Variants in CPNE8 observed in about 807,000 individuals in gnomAD.
CPNE8 encodes copine 8.
A neutral mutation model predicts 81.5 loss-of-function variants in CPNE8; 45 were observed. The observed-to-expected ratio is 0.55, with a 90% CI of 0.44 to 0.71. CPNE8 has a LOEUF of 0.71. Among genes scored for constraint, CPNE8 ranks in the 30% least tolerant of loss-of-function variants. CPNE8 has a pLI of 0.00. For synonymous variants in CPNE8, 252 were observed against 226.3 expected, an observed-to-expected ratio of 1.11 and a Z score of -1.02; for missense variants, 594 against 672.1, an observed-to-expected ratio of 0.88 and a Z score of 1.28.
intron 10 of CPNE8, among the ~76,000 whole-genome samples, chr12:38,760,437 A>G (rs866315649): frequency 7.5e-6 from 1 of 132,800 alleles, no homozygotes; most frequent in African/African-American, 3.1e-5. Context: ...TATGGTGTGT[A>G]TATATATATA....
chr12:38,762,728 T>C (rs187385978), intron 8 of CPNE8, among the ~76,000 whole-genome samples: 6 of 152,230 alleles, frequency 3.9e-5, no homozygotes, highest in Admixed American at 3.9e-4. Flanking sequence ...TTTTTGGTGT[T>C]CTTGTTTTTA....
intron 2 of CPNE8, among the ~76,000 whole-genome samples, chr12:38,873,696 T>C (rs751201138): frequency 6.6e-6 from 1 of 152,198 alleles, no homozygotes; most frequent in Non-Finnish European, 1.5e-5. Context: ...CTTCCCTCTG[T>C]AATTCAACCA....
At chr12:38,807,751 C>T (rs10747598) in intron 6 of CPNE8, among the ~76,000 whole-genome samples, 143,644 of 150,434 alleles carry the variant, frequency 0.95, 68,786 homozygotes, top group East Asian at 1. Flanking sequence ...AATTGACAAA[C>T]GGGATCTAAT....
In CPNE8 at chr12:38,905,471, G is replaced by T; in HGVS notation, c.64C>A (p.Pro22Thr). ...ACGGACACCTCCACCCGCGTGGCCG[G>T]GATGGCAGCGCTCAGCTGGTTCAAG... ...GDLNQLSAAIPATRVEVSVSC... is the reference protein window; with the variant it reads ...GDLNQLSAAITATRVEVSVSC... The change falls in exon 1 of 20, where the codon CCG becomes ACG. Residue 22 changes from proline to threonine, a missense_variant. Pro to Thr is a conservative substitution (Grantham distance 38). Coordinates refer to ENST00000331366, the MANE Select transcript of CPNE8 (RefSeq NM_153634.3). 1 of 1,574,688 alleles carries T rather than the reference G, an allele frequency of 6.4e-7. No individual in the cohort carries two copies. Among genetic ancestry groups the T allele is most frequent in the Non-Finnish European group, 8.6e-7 (1 of 1,160,090 alleles).
chr12:38,812,469 G>GA (rs1378874592), intron 6 of CPNE8, among the ~76,000 whole-genome samples: 2 of 151,952 alleles, frequency 1.3e-5, no homozygotes, highest in African/African-American at 4.8e-5. Context: ...AAGTGCCAAG[G>GA]AAAAAAAGGA....
At chr12:38,900,274 C>T (rs10444553) in intron 1 of CPNE8, among the ~76,000 whole-genome samples, 1 of 151,854 alleles carries the variant, frequency 6.6e-6, no homozygotes, top group Non-Finnish European at 1.5e-5. Flanking sequence ...ACCAGCACAG[C>T]TTGAACTTGT....
intron 14 of CPNE8, among the ~76,000 whole-genome samples, chr12:38,700,689 T>G (rs1002259014): frequency 1.3e-5 from 2 of 152,144 alleles, no homozygotes; most frequent in African/African-American, 4.8e-5. Flanking sequence ...CCACCCAAAT[T>G]TCATCTTGAA....
intron 19 of CPNE8, among the ~76,000 whole-genome samples, chr12:38,655,478 T>C (rs759500091): frequency 7.2e-5 from 11 of 152,326 alleles, no homozygotes; most frequent in Non-Finnish European, 1.6e-4. Context: ...GACATTTTAA[T>C]ATGTTGAACA....
chr12:38,848,429 C>A, intron 4 of CPNE8, 130 bp downstream of exon 4: 2 of 1,370,794 alleles, frequency 1.5e-6, no homozygotes, highest in Non-Finnish European at 1.9e-6. Flanking sequence ...GGGCCACACT[C>A]TGAACAGAAT....
At chr12:38,792,073 T>C (rs1942338483) in intron 6 of CPNE8, among the ~76,000 whole-genome samples, 1 of 149,398 alleles carries the variant, frequency 6.7e-6, no homozygotes, top group African/African-American at 2.4e-5. Context: ...AAACTTATGA[T>C]ATAGTGAAAG....
At chr12:38,819,746 G>T in intron 6 of CPNE8, among the ~76,000 whole-genome samples, 1 of 119,368 alleles carries the variant, frequency 8.4e-6, no homozygotes, top group Non-Finnish European at 1.6e-5. Context: ...TAGCCTGGGT[G>T]ACAGAGCAAG....
At position 38,657,097 on chromosome 12, in the gene CPNE8, G is replaced by A. The variant is rs141481599; in HGVS notation, c.1507-3027C>T. ...GTGTCACTTCACCTGGGAAGTGCAAGGGGTTGGGGGATTTCCCTTTCCTAG... is the reference window on the plus strand; with the variant it reads ...GTGTCACTTCACCTGGGAAGTGCAAAGGGTTGGGGGATTTCCCTTTCCTAG... On this transcript the variant is annotated intron_variant, in intron 19 of 19. Transcript: ENST00000331366. 3.0e-3 allele frequency among the ~76,000 whole-genome samples: 453 copies of A among 152,290 alleles called. 4 individuals are homozygous for A. Among genetic ancestry groups the A allele is most frequent in the African/African-American group, 9.7e-3 (404 of 41,560 alleles).
intron 7 of CPNE8, among the ~76,000 whole-genome samples, chr12:38,773,923 A>C (rs928675359): frequency 2.6e-5 from 4 of 152,256 alleles, no homozygotes; most frequent in Admixed American, 2.6e-4. Flanking sequence ...AGAAAACATA[A>C]GATGAAGTTA....
intron 5 of CPNE8, among the ~76,000 whole-genome samples, chr12:38,832,315 G>A (rs1943300897): frequency 6.6e-6 from 1 of 152,162 alleles, no homozygotes; most frequent in Non-Finnish European, 1.5e-5. Flanking sequence ...TACAGAAAAA[G>A]CCCCAGGAGA....
chr12:38,791,109 G>A (rs1201957454), intron 6 of CPNE8, among the ~76,000 whole-genome samples: 3 of 151,466 alleles, frequency 2.0e-5, no homozygotes, highest in Non-Finnish European at 4.4e-5. Context: ...TATATAGATC[G>A]TACAATAATT....
intron 6 of CPNE8, among the ~76,000 whole-genome samples, chr12:38,776,696 T>C (rs191652032): frequency 1.1e-4 from 16 of 152,192 alleles, no homozygotes; most frequent in African/African-American, 3.6e-4. Context: ...GTCTAATATA[T>C]AATAAAATAT....
At chr12:38,822,227 A>T (rs890517308) in intron 6 of CPNE8, among the ~76,000 whole-genome samples, 1 of 152,216 alleles carries the variant, frequency 6.6e-6, no homozygotes, top group Admixed American at 6.5e-5. Flanking sequence ...TATTTCCAAA[A>T]CTATCTTATA....
At chr12:38,713,045 CATT>C (rs142889386) in intron 13 of CPNE8, among the ~76,000 whole-genome samples, 3,280 of 152,168 alleles carry the variant, frequency 0.022, 118 homozygotes, top group African/African-American at 0.075. Flanking sequence ...ATGAAATAAT[CATT>C]GTTATTCATA....
chr12:38,704,714 G>C (rs904267152), intron 13 of CPNE8, among the ~76,000 whole-genome samples: 1 of 151,426 alleles, frequency 6.6e-6, no homozygotes, highest in Non-Finnish European at 1.5e-5. Context: ...CATCAGAAGA[G>C]AGTATCATGC....
Sources: gnomAD v4.1 joint callset for allele counts (sites outside exome capture counted in the v4.1 genomes callset) on GRCh38, gnomAD v4.1.1 for gene constraint, MANE v1.5 for transcripts, NCBI Gene and HGNC (gene_info 2026-07-23, HGNC 2026-07-21) for gene names.